DAB1: variants seen among roughly 807,000 people sequenced by gnomAD.
DAB1 encodes the protein disabled homolog 1.
A neutral mutation model predicts 64.6 loss-of-function variants in DAB1; 15 were observed. That is an observed-to-expected ratio of 0.23 (90% CI 0.16 to 0.36). The LOEUF (loss-of-function observed/expected upper bound fraction) is 0.36, where lower values mean the gene tolerates loss of function less well. DAB1 is among the 10% of genes least tolerant of loss of function. The pLI, the probability that DAB1 is intolerant of heterozygous loss-of-function variation, is 1.00. For missense variants in DAB1, 596 were observed against 706.7 expected, an observed-to-expected ratio of 0.84 and a Z score of 1.78; for synonymous variants, 235 against 251.9, an observed-to-expected ratio of 0.93 and a Z score of 0.64.
At chr1:58,290,270 GC>G (rs947543225) in intron 4 of DAB1, among the ~76,000 whole-genome samples, 1 of 152,170 alleles carries the variant, frequency 6.6e-6, no homozygotes, top group Non-Finnish European at 1.5e-5. Flanking sequence ...TCAGGGAAGA[GC>G]AAACTAGGCT....
intron 3 of DAB1, among the ~76,000 whole-genome samples, chr1:58,487,329 T>C (rs1238471437): frequency 1.3e-5 from 2 of 152,272 alleles, no homozygotes; most frequent in East Asian, 3.8e-4. Context: ...TTTATGATGC[T>C]GCTCATGCAT....
chr1:57,893,044 T>G (rs944677299), intron 5 of DAB1, among the ~76,000 whole-genome samples: 4 of 130,672 alleles, frequency 3.1e-5, no homozygotes, highest in East Asian at 4.8e-4. Context: ...CCTGAAAAAG[T>G]GCATTTCTAG....
intron 2 of DAB1, among the ~76,000 whole-genome samples, chr1:57,195,645 G>A (rs1168933289): frequency 1.3e-5 from 2 of 152,224 alleles, no homozygotes; most frequent in African/African-American, 4.8e-5. Flanking sequence ...CACTAGCCAG[G>A]TGGGAAGAAC....
At chr1:57,688,454 T>TAC (rs1646726430) in intron 6 of DAB1, among the ~76,000 whole-genome samples, 1 of 152,302 alleles carries the variant, frequency 6.6e-6, no homozygotes, top group Non-Finnish European at 1.5e-5. Context: ...GGAATGCTTA[T>TAC]ACACTGTTGG....
chr1:57,329,680 A>AAAC (rs1553168763), intron 1 of DAB1, among the ~76,000 whole-genome samples: 11 of 141,608 alleles, frequency 7.8e-5, no homozygotes, highest in African/African-American at 1.3e-4. Context: ...AAAAAAAAAA[A>AAAC]CCCACAAAAC....
intron 9 of DAB1, among the ~76,000 whole-genome samples, chr1:57,050,645 A>C (rs1649094035): frequency 6.6e-6 from 1 of 152,226 alleles, no homozygotes; most frequent in South Asian, 2.1e-4. Context: ...AGACATCATT[A>C]AACTCCTTCA....
At chr1:57,779,732 T>C (rs929848803) in intron 6 of DAB1, among the ~76,000 whole-genome samples, 6 of 152,208 alleles carry the variant, frequency 3.9e-5, no homozygotes, top group African/African-American at 1.4e-4. Flanking sequence ...CAAGTAACTG[T>C]GGCTGTTTCT....
At chr1:57,216,291 G>A (rs1666424571) in intron 2 of DAB1, among the ~76,000 whole-genome samples, 1 of 152,038 alleles carries the variant, frequency 6.6e-6, no homozygotes. Context: ...TGCTATAAGG[G>A]TAAGTGCACA....
At chr1:58,300,613 A>AAAGAAAGAAAGAAAGAAG (rs1557726080) in intron 4 of DAB1, among the ~76,000 whole-genome samples, 5 of 38,272 alleles carry the variant, frequency 1.3e-4, no homozygotes, top group African/African-American at 4.3e-4. Flanking sequence ...AGAAAGAAAG[A>AAAGAAAGAAAGAAAGAAG]GAGAGAGAGA....
chr1:58,310,518 T>C (rs1662405968), intron 4 of DAB1, among the ~76,000 whole-genome samples: 1 of 152,200 alleles, frequency 6.6e-6, no homozygotes, highest in Non-Finnish European at 1.5e-5. Flanking sequence ...TGGCCTTCTC[T>C]TGATTCAACA....
intron 14 of DAB1, among the ~76,000 whole-genome samples, chr1:56,998,493 T>C (rs1195312104): frequency 2.0e-5 from 3 of 152,190 alleles, no homozygotes; most frequent in Non-Finnish European, 4.4e-5. Flanking sequence ...TACGGGGTTC[T>C]TGAGGGAATT....
At chr1:57,422,423 C>G (rs951362796) in intron 1 of DAB1, among the ~76,000 whole-genome samples, 22 of 151,808 alleles carry the variant, frequency 1.4e-4, no homozygotes, top group Admixed American at 2.6e-4. Flanking sequence ...GCTCTCGCTA[C>G]CGCAAGCCCT....
chr1:57,522,585 G>A (rs1160785013), intron 7 of DAB1, among the ~76,000 whole-genome samples: 1 of 152,210 alleles, frequency 6.6e-6, no homozygotes, highest in South Asian at 2.1e-4. Flanking sequence ...GACAAAGGAG[G>A]AGCAAAGGAG....
intron 1 of DAB1, among the ~76,000 whole-genome samples, chr1:57,341,844 C>T (rs1246863438): frequency 6.6e-6 from 1 of 152,170 alleles, no homozygotes; most frequent in Non-Finnish European, 1.5e-5. Context: ...GTGTAAGAAC[C>T]TCCTTTTGAT....
intron 5 of DAB1, among the ~76,000 whole-genome samples, chr1:58,077,047 T>A (rs1365095071): frequency 6.6e-6 from 1 of 152,186 alleles, no homozygotes; most frequent in African/African-American, 2.4e-5. Context: ...GGAGCAATGC[T>A]TGTTATTGTT....
At chr1:58,414,962 G>A (rs761829629) in intron 3 of DAB1, among the ~76,000 whole-genome samples, 1 of 152,096 alleles carries the variant, frequency 6.6e-6, no homozygotes, top group Non-Finnish European at 1.5e-5. Flanking sequence ...AAGGTTGCGT[G>A]GGCTGTAATA....
At position 57,985,437 on chromosome 1, in the gene DAB1, G is replaced by T. The variant is rs183145498; in HGVS notation, n.388-101275C>A. 1.8e-4 allele frequency among the ~76,000 whole-genome samples: 27 copies of T among 152,208 alleles called. No individual in the cohort carries two copies. In the East Asian group the frequency reaches 5.0e-3, roughly 28 times the overall value. On this transcript the variant is annotated intron_variant and non_coding_transcript_variant, in intron 5 of 20. Transcript: ENST00000485760. The stretch of plus-strand genomic sequence containing the variant: ...ATGTGTCGAAATCCTAACCCCCAAG[G>T]TTATAGTATTAGGAGGAGGTCAGGC...
At chr1:57,216,013 G>A (rs1051473469) in intron 2 of DAB1, among the ~76,000 whole-genome samples, 3 of 152,182 alleles carry the variant, frequency 2.0e-5, no homozygotes, top group African/African-American at 7.2e-5. Flanking sequence ...CAGGCAGACA[G>A]GAAGGAACTA....
intron 1 of DAB1, among the ~76,000 whole-genome samples, chr1:57,827,772 A>G (rs1303804870): frequency 6.6e-6 from 1 of 152,202 alleles, no homozygotes; most frequent in Non-Finnish European, 1.5e-5. Flanking sequence ...GCCTATAGGT[A>G]TCACAAAGGC....
Sources: gnomAD v4.1 joint callset for allele counts (sites outside exome capture counted in the v4.1 genomes callset) on GRCh38, gnomAD v4.1.1 for gene constraint, MANE v1.5 for transcripts, NCBI Gene and HGNC (gene_info 2026-07-23, HGNC 2026-07-21) for gene names.